Variants in DCBLD1 observed in about 807,000 individuals in gnomAD.
DCBLD1 encodes the protein discoidin, CUB and LCCL domain-containing protein 1.
Under a neutral mutation model 71.5 loss-of-function variants are expected in DCBLD1, and 57 were observed. The observed-to-expected ratio is 0.80, with a 90% CI of 0.64 to 0.99. The LOEUF (loss-of-function observed/expected upper bound fraction) is 0.99. Ranked by LOEUF, DCBLD1 falls within the 50% of genes least tolerant of loss-of-function variation. The pLI is 0.00. For synonymous variants in DCBLD1, 380 were observed against 363.8 expected (o/e 1.04, Z -0.51); for missense variants, 891 against 923.5 (o/e 0.96, Z 0.46).
chr6:117,508,564 T>C (rs1361426809), intron 2 of DCBLD1, among the ~76,000 whole-genome samples: 5 of 152,216 alleles, frequency 3.3e-5, no homozygotes, highest in Admixed American at 3.3e-4. Context: ...TTAGTGACCA[T>C]GTAACCTTGA....
In DCBLD1 at chr6:117,567,032, T is replaced by A. The variant is rs776892267; in HGVS notation, c.1616-2588T>A. 5 of 1,560,816 alleles carry A rather than the reference T, an allele frequency of 3.2e-6. No individual in the cohort carries two copies. The East Asian group carries it at 1.1e-4, about 36-fold the overall frequency. ...AAACTACTTCAAATTCAATCTCTCCTCTCTAAAACAGGAAATGAAAATGAG... is the reference window on the plus strand; with the variant it reads ...AAACTACTTCAAATTCAATCTCTCCACTCTAAAACAGGAAATGAAAATGAG... On this transcript the variant is annotated intron_variant, in intron 14 of 14. Coordinates refer to the DCBLD1 transcript ENST00000296955.
intron 2 of DCBLD1, among the ~76,000 whole-genome samples, chr6:117,505,341 A>T (rs9766914): frequency 6.6e-6 from 1 of 151,880 alleles, no homozygotes; most frequent in Non-Finnish European, 1.5e-5. Flanking sequence ...CTCATTAGCC[A>T]GGAGATTTCT....
At chr6:117,556,606 T>C (rs1194326996) in intron 14 of DCBLD1, among the ~76,000 whole-genome samples, 1 of 152,256 alleles carries the variant, frequency 6.6e-6, no homozygotes, top group African/African-American at 2.4e-5. Flanking sequence ...CACATTTTCT[T>C]TATCCAGTCA....
At chr6:117,495,839 A>G (rs1474149719) in intron 1 of DCBLD1, among the ~76,000 whole-genome samples, 1 of 152,212 alleles carries the variant, frequency 6.6e-6, no homozygotes, top group African/African-American at 2.4e-5. Context: ...TTGGCAGCAA[A>G]TTATGAATCT....
intron 2 of DCBLD1, among the ~76,000 whole-genome samples, chr6:117,506,131 G>A (rs1157836537): frequency 6.6e-6 from 1 of 151,978 alleles, no homozygotes; most frequent in East Asian, 1.9e-4. Flanking sequence ...CCAGGCACCT[G>A]CTTGGCTCTT....
intron 6 of DCBLD1, 35 bp from the exon 7 acceptor site, chr6:117,537,150 A>G (rs370118748): frequency 1.2e-6 from 2 of 1,612,916 alleles, no homozygotes; most frequent in South Asian, 2.2e-5. Flanking sequence ...GTAGGTGAGC[A>G]ACTTACCTTC....
chr6:117,497,896 A>C (rs931130033), intron 1 of DCBLD1, among the ~76,000 whole-genome samples: 2 of 152,236 alleles, frequency 1.3e-5, no homozygotes, highest in Non-Finnish European at 2.9e-5. Flanking sequence ...AAAAATGTAT[A>C]AATAAAATGA....
At chr6:117,535,445 C>A (rs570333930) in intron 6 of DCBLD1, among the ~76,000 whole-genome samples, 29 of 152,278 alleles carry the variant, frequency 1.9e-4, no homozygotes, top group Non-Finnish European at 3.5e-4. Flanking sequence ...AGAACCCTAA[C>A]CTCCCTAGGG....
intron 1 of DCBLD1, chr6:117,494,994 G>A (rs56741692): frequency 0.13 from 19,157 of 152,218 alleles, 1,329 homozygotes; most frequent in Non-Finnish European, 0.14. Flanking sequence ...ATGTTCTGTG[G>A]TAAAGAAAAA....
chr6:117,524,461 C>T (rs925105849), intron 4 of DCBLD1, among the ~76,000 whole-genome samples: 4 of 152,160 alleles, frequency 2.6e-5, no homozygotes, highest in South Asian at 2.1e-4. Context: ...GCCTTGGCCT[C>T]CCAAAGTGCT....
At chr6:117,499,958 C>T (rs186962004) in intron 1 of DCBLD1, among the ~76,000 whole-genome samples, 212 of 152,276 alleles carry the variant, frequency 1.4e-3, no homozygotes, top group African/African-American at 5.0e-3. Flanking sequence ...GCGGAGGTTG[C>T]GGTGAGCTGA....
chr6:117,501,007 AG>A (rs1777639518), intron 1 of DCBLD1, among the ~76,000 whole-genome samples: 1 of 151,550 alleles, frequency 6.6e-6, no homozygotes, highest in Non-Finnish European at 1.5e-5. Context: ...AAAAAAAAAA[AG>A]TTTTTCTCTT....
In DCBLD1 at chr6:117,547,955, G is replaced by C. The variant is rs1361549465; in HGVS notation, c.1664G>C (p.Gly555Ala). The C allele has an allele frequency of 1.9e-6, 3 of 1,550,600 alleles. No homozygotes were observed. The highest frequency in any genetic ancestry group is 2.6e-6 in the Non-Finnish European group (3 of 1,146,970). The stretch of plus-strand genomic sequence containing the variant: ...GGCACCGGGACAGTCACGAGGAAGG[G>C]CTCCACCTTCCGGCCCATGGACACG... ...MIGTGTVTRKGSTFRPMDTDA... is the reference protein window; with the variant it reads ...MIGTGTVTRKASTFRPMDTDA... The change falls in exon 15 of 15, where the codon GGC becomes GCC. Residue 555 changes from glycine (G) to alanine (A), a missense_variant. By Grantham distance (60) the Gly-to-Ala change is moderately conservative. Transcript: ENST00000338728.
At chr6:117,528,097 C>T (rs559995680) in intron 5 of DCBLD1, among the ~76,000 whole-genome samples, 10 of 152,224 alleles carry the variant, frequency 6.6e-5, no homozygotes, top group African/African-American at 2.4e-4. Context: ...ACATGTAGTG[C>T]GCTGCAGTTT....
At chr6:117,503,478 A>C (rs1356150456) in intron 1 of DCBLD1, 2 of 372,156 alleles carry the variant, frequency 5.4e-6, no homozygotes. Context: ...GGGTGGAGAG[A>C]TAGATGATTA....
downstream of DCBLD1, among the ~76,000 whole-genome samples, chr6:117,553,732 A>G (rs890000265): frequency 4.6e-5 from 7 of 152,222 alleles, no homozygotes; most frequent in African/African-American, 1.7e-4. Context: ...GGGTGCTCAC[A>G]TAAGTACTGC....
rs1562444722 is a variant in DCBLD1, at chr6:117,517,255, T to TCATGAAAGCC, written c.326-2560_326-2559insATGAAAGCCC. Reference sequence around the variant, plus strand: ...GCTCAGGCCCCATGAAAGTCTGAAATCCAGTGGGGCAGTCAAATCTTAAAG... The same window carrying TCATGAAAGCC: ...GCTCAGGCCCCATGAAAGTCTGAAATCATGAAAGCCCCAGTGGGGCAGTCAAATCTTAAAG... On this transcript the variant is annotated intron_variant, in intron 2 of 14. Transcript: ENST00000338728. 2.0e-5 allele frequency among the ~76,000 whole-genome samples: 3 copies of TCATGAAAGCC among 152,192 alleles called. No individual in the cohort carries two copies. The East Asian group carries it at 5.8e-4, about 29-fold the overall frequency.
intron 2 of DCBLD1, among the ~76,000 whole-genome samples, chr6:117,510,024 C>G (rs1777964773): frequency 6.6e-6 from 1 of 152,186 alleles, no homozygotes; most frequent in Non-Finnish European, 1.5e-5. Context: ...TTTCACCAGT[C>G]TCAGTTCCTT....
At chr6:117,519,752 C>G in intron 2 of DCBLD1, 64 bp from the exon 3 acceptor site, 1 of 1,571,636 alleles carries the variant, frequency 6.4e-7, no homozygotes. Context: ...AAAAAAATGC[C>G]ATATACCAGT....
Sources: gnomAD v4.1 joint callset for allele counts (sites outside exome capture counted in the v4.1 genomes callset) on GRCh38, gnomAD v4.1.1 for gene constraint, MANE v1.5 for transcripts, NCBI Gene and HGNC (gene_info 2026-07-23, HGNC 2026-07-21) for gene names.